Variants in NXPH1 observed in about 807,000 individuals in gnomAD.
NXPH1 encodes the protein neurexophilin-1.
A neutral mutation model predicts 23.7 loss-of-function variants in NXPH1; 5 were observed. That is an observed-to-expected ratio of 0.21 (90% CI 0.11 to 0.44). The LOEUF (loss-of-function observed/expected upper bound fraction) is 0.44, where lower values mean the gene tolerates loss of function less well. NXPH1 is among the 20% of genes least tolerant of loss of function. NXPH1 has a pLI of 0.99. For synonymous variants in NXPH1, 144 were observed against 122.2 expected (o/e 1.18, Z -1.18); for missense variants, 324 against 321.6 (o/e 1.01, Z -0.06).
chr7:8,631,411 C>A (rs1820125711), intron 2 of NXPH1, among the ~76,000 whole-genome samples: 1 of 152,056 alleles, frequency 6.6e-6, no homozygotes, highest in Non-Finnish European at 1.5e-5. Flanking sequence ...GCAACAAAAT[C>A]AAAAATTGAC....
Position 8,434,467 on chromosome 7 carries a change from TC to T in NXPH1, c.-397del, listed in dbSNP as rs1429509615. ...CCCTCCCTTTCTGTCTTCCTCTCTTTCCTCCTCTACTGCTCCCTCCCTCTCT... is the reference window on the plus strand; with the variant it reads ...CCCTCCCTTTCTGTCTTCCTCTCTTTCTCCTCTACTGCTCCCTCCCTCTCT... On this transcript the variant is annotated 5_prime_UTR_variant, in exon 1 of 3. Coordinates refer to ENST00000405863, the MANE Select transcript of NXPH1 (RefSeq NM_152745.3). The surrounding 1 kb of genome is among the most constrained non-coding windows in gnomAD (Gnocchi z 7.6). 1.3e-5 allele frequency: 2 copies of T among 153,446 alleles called. No individual in the cohort carries two copies. Among genetic ancestry groups the T allele is most frequent in the African/African-American group, 2.4e-5 (1 of 41,374 alleles). 9.5% of individuals were successfully genotyped at this position (153,446 alleles called of 1,614,324 possible).
intron 2 of NXPH1, among the ~76,000 whole-genome samples, chr7:8,472,826 T>A (rs1563320484): frequency 6.6e-6 from 1 of 152,154 alleles, no homozygotes; most frequent in Non-Finnish European, 1.5e-5. Flanking sequence ...AACAGAAAGA[T>A]CTAGACTAAA....
chr7:8,601,731 C>T (rs1050762596), intron 2 of NXPH1, among the ~76,000 whole-genome samples: 1 of 152,190 alleles, frequency 6.6e-6, no homozygotes, highest in African/African-American at 2.4e-5. Flanking sequence ...TTATTTAGGG[C>T]CTAGCTGCTC....
At chr7:8,458,414 G>C (rs1369381677) in intron 2 of NXPH1, among the ~76,000 whole-genome samples, 1 of 152,174 alleles carries the variant, frequency 6.6e-6, no homozygotes, top group Non-Finnish European at 1.5e-5. Flanking sequence ...AATATACCCT[G>C]ATACAGATTC....
At chr7:8,708,854 C>T (rs990719416) in intron 2 of NXPH1, among the ~76,000 whole-genome samples, 5 of 152,188 alleles carry the variant, frequency 3.3e-5, no homozygotes, top group South Asian at 2.1e-4. Flanking sequence ...TGTTCCATGA[C>T]GAGCAATGCC....
At chr7:8,701,559 A>C (rs1779623735) in intron 2 of NXPH1, among the ~76,000 whole-genome samples, 1 of 152,100 alleles carries the variant, frequency 6.6e-6, no homozygotes, top group Non-Finnish European at 1.5e-5. Context: ...TTTACATAGC[A>C]AACTTGATTT....
chr7:8,578,041 AT>A (rs1011177167), intron 2 of NXPH1, among the ~76,000 whole-genome samples: 3 of 151,956 alleles, frequency 2.0e-5, no homozygotes, highest in Non-Finnish European at 4.4e-5. Context: ...CTACTTTTAC[AT>A]TTTTTCCCCA....
chr7:8,452,113 C>A (rs1181481449), intron 2 of NXPH1, among the ~76,000 whole-genome samples: 1 of 152,132 alleles, frequency 6.6e-6, no homozygotes, highest in East Asian at 1.9e-4. Flanking sequence ...TGGTCCCAGG[C>A]CCGGAAATGG....
At chr7:8,522,008 G>A (rs995446416) in intron 2 of NXPH1, among the ~76,000 whole-genome samples, 2 of 151,978 alleles carry the variant, frequency 1.3e-5, no homozygotes, top group African/African-American at 2.4e-5. Flanking sequence ...CCTTGGAAAA[G>A]GGAAGAAAAA....
At chr7:8,561,774 A>G (rs1435006764) in intron 2 of NXPH1, among the ~76,000 whole-genome samples, 1 of 151,556 alleles carries the variant, frequency 6.6e-6, no homozygotes, top group Non-Finnish European at 1.5e-5. Flanking sequence ...AGCACCAGGC[A>G]GGGAAAAATT....
At chr7:8,645,131 G>T (rs953547428) in intron 2 of NXPH1, among the ~76,000 whole-genome samples, 23 of 152,240 alleles carry the variant, frequency 1.5e-4, no homozygotes, top group Middle Eastern at 6.8e-3. Context: ...ATACTACTAT[G>T]ATTCTTTTAC....
At chr7:8,693,828 C>T (rs1821259961) in intron 2 of NXPH1, among the ~76,000 whole-genome samples, 2 of 152,140 alleles carry the variant, frequency 1.3e-5, no homozygotes, top group Non-Finnish European at 2.9e-5. Flanking sequence ...CCTGGGATCT[C>T]TGCATAATTT....
chr7:8,439,898 C>G (rs887648740), intron 2 of NXPH1, among the ~76,000 whole-genome samples: 1 of 152,176 alleles, frequency 6.6e-6, no homozygotes, highest in African/African-American at 2.4e-5. Flanking sequence ...GCTTCTCATT[C>G]TTTAAAAATT....
chr7:8,701,477 TATGTTG>T, intron 2 of NXPH1, among the ~76,000 whole-genome samples: 1 of 152,214 alleles, frequency 6.6e-6, no homozygotes, highest in East Asian at 1.9e-4. Context: ...TCTCCCCCAA[TATGTTG>T]ATTTCTTTCA....
At chr7:8,750,438 C>A (rs1396536729) in intron 2 of NXPH1, among the ~76,000 whole-genome samples, 2 of 152,084 alleles carry the variant, frequency 1.3e-5, no homozygotes, top group Admixed American at 6.6e-5. Flanking sequence ...CTCTAAGTTC[C>A]CTCCCCTCAC....
Position 8,751,745 on chromosome 7 carries a change from C to G in NXPH1, c.792C>G (p.Asp264Glu), listed in dbSNP as rs763579524. Residue 264 changes from aspartate (D) to glutamate (E), a missense_variant, in exon 3 of 3, where the codon GAC (aspartate) becomes GAG (glutamate). By Grantham distance (45) the Asp-to-Glu change is conservative. Transcript: ENST00000405863. This position sits in a 1 kb window ranked among gnomAD's most constrained non-coding sequence, Gnocchi z 4.5. ...KVCPDYNYHS[D>E]TPYFPSG ...GCCCTGACTACAACTACCACAGTGA[C>G]ACACCTTACTTTCCCTCGGGATGAA... is the stretch of plus-strand genomic sequence containing the variant. The G allele has an allele frequency of 1.9e-6, 3 of 1,611,102 alleles. No individual in the cohort carries two copies. In the South Asian group the frequency reaches 3.3e-5, roughly 18 times the overall value.
intron 2 of NXPH1, among the ~76,000 whole-genome samples, chr7:8,698,174 G>T (rs1779564904): frequency 1.3e-5 from 2 of 152,158 alleles, no homozygotes; most frequent in Non-Finnish European, 2.9e-5. Flanking sequence ...GCTGAGTTCT[G>T]TACCATGACA....
chr7:8,589,209 A>T (rs191714821), intron 2 of NXPH1, among the ~76,000 whole-genome samples: 1 of 152,132 alleles, frequency 6.6e-6, no homozygotes, highest in Non-Finnish European at 1.5e-5. Flanking sequence ...GACTAATCTT[A>T]AAGTATAAGA....
At chr7:8,721,740 G>A (rs1176880319) in intron 2 of NXPH1, among the ~76,000 whole-genome samples, 1 of 152,142 alleles carries the variant, frequency 6.6e-6, no homozygotes, top group Non-Finnish European at 1.5e-5. Context: ...ATTGTGCCAC[G>A]CACTCCAGCC....
Sources: gnomAD v4.1 joint callset for allele counts (sites outside exome capture counted in the v4.1 genomes callset) on GRCh38, gnomAD v4.1.1 for gene constraint, Gnocchi (gnomAD v3.1) non-coding constraint, MANE v1.5 for transcripts, NCBI Gene and HGNC (gene_info 2026-07-23, HGNC 2026-07-21) for gene names.